Variants in FAM171A1 observed in about 807,000 individuals in gnomAD.
The protein encoded by FAM171A1 is family with sequence similarity 171 member A1, also known as protein FAM171A1.
FAM171A1 carries 23 observed loss-of-function variants against 74.9 expected under a neutral mutation model. That is an observed-to-expected ratio of 0.31 (90% CI 0.22 to 0.44). The LOEUF (loss-of-function observed/expected upper bound fraction) is 0.44, where lower values mean the gene tolerates loss of function less well. Among genes scored for constraint, FAM171A1 ranks in the 20% least tolerant of loss-of-function variants. The pLI is 1.00. For missense variants in FAM171A1, 1,162 were observed against 1,159.2 expected (o/e 1.00, Z -0.03); for synonymous variants, 527 against 505.7 (o/e 1.04, Z -0.57).
At chr10:15,348,080 C>A (rs528952237) in intron 1 of FAM171A1, among the ~76,000 whole-genome samples, 2 of 152,054 alleles carry the variant, frequency 1.3e-5, no homozygotes, top group Non-Finnish European at 2.9e-5. Context: ...TGGGTTCAAG[C>A]GAGTCTCCTG....
chr10:15,258,364 C>A (rs781720019), intron 3 of FAM171A1, among the ~76,000 whole-genome samples: 1 of 152,128 alleles, frequency 6.6e-6, no homozygotes, highest in Non-Finnish European at 1.5e-5. Flanking sequence ...TTCTCTTCTG[C>A]CCCTAACCAC....
chr10:15,218,136 G>A (rs1251366597), intron 6 of FAM171A1, among the ~76,000 whole-genome samples: 1 of 152,086 alleles, frequency 6.6e-6, no homozygotes, highest in African/African-American at 2.4e-5. Flanking sequence ...CTGGAGTGCA[G>A]TGGCACGATC....
intron 1 of FAM171A1, among the ~76,000 whole-genome samples, chr10:15,287,160 C>T (rs569005554): frequency 7.1e-4 from 100 of 141,312 alleles, no homozygotes; most frequent in Non-Finnish European, 1.1e-3. Flanking sequence ...GGTGCGATCT[C>T]GGCTCACCGT....
At chr10:15,299,583 G>T (rs1369070228) in intron 1 of FAM171A1, among the ~76,000 whole-genome samples, 3 of 151,966 alleles carry the variant, frequency 2.0e-5, no homozygotes, top group Admixed American at 1.3e-4. Flanking sequence ...CGATGATGAT[G>T]ATGACTTTTA....
chr10:15,235,052 G>A (rs1588503818), intron 5 of FAM171A1, among the ~76,000 whole-genome samples: 1 of 152,122 alleles, frequency 6.6e-6, no homozygotes, highest in Non-Finnish European at 1.5e-5. Flanking sequence ...TCTCACGCCT[G>A]TAATCTCTGC....
chr10:15,268,973 C>T lies in FAM171A1; in HGVS notation c.418+6882G>A, dbSNP rs566096665. ...ATGAAAATCACTTGGACCTGGGAGG[C>T]GGATATTGCAGTGAGCCAAGATCAC... On this transcript the variant is annotated intron_variant, in intron 3 of 7. Transcript: ENST00000378116. Among the ~76,000 whole-genome samples, 29 of 152,230 alleles carry T rather than the reference C, an allele frequency of 1.9e-4. 1 individual carries two copies. Among genetic ancestry groups the T allele is most frequent in the African/African-American group, 6.3e-4 (26 of 41,546 alleles).
At chr10:15,219,526 G>A (rs894194317) in intron 6 of FAM171A1, among the ~76,000 whole-genome samples, 9 of 152,264 alleles carry the variant, frequency 5.9e-5, no homozygotes, top group East Asian at 5.8e-4. Flanking sequence ...GCATTTCTAC[G>A]TGTGGTTCAT....
intron 6 of FAM171A1, 90 bp downstream of exon 6, chr10:15,220,854 C>T: frequency 1.1e-6 from 1 of 911,534 alleles, no homozygotes; most frequent in Non-Finnish European, 1.7e-6. Context: ...GATCGCCCTG[C>T]TGAAGTTATT....
At chr10:15,319,735 T>C (rs1313845171) in intron 1 of FAM171A1, among the ~76,000 whole-genome samples, 3 of 152,062 alleles carry the variant, frequency 2.0e-5, no homozygotes, top group Non-Finnish European at 4.4e-5. Flanking sequence ...GCCTGGTCTG[T>C]CCAGGGATTT....
intron 5 of FAM171A1, among the ~76,000 whole-genome samples, chr10:15,232,990 T>C (rs983512783): frequency 2.0e-5 from 3 of 152,334 alleles, no homozygotes; most frequent in Non-Finnish European, 2.9e-5. Context: ...TAAGAATGAA[T>C]AGATAAAAAC....
chr10:15,233,122 G>A (rs1313450953), intron 5 of FAM171A1, among the ~76,000 whole-genome samples: 1 of 151,858 alleles, frequency 6.6e-6, no homozygotes, highest in African/African-American at 2.4e-5. Flanking sequence ...GTGAAACCCC[G>A]TTTCTACTAA....
At chr10:15,280,736 A>C (rs1434201390) in intron 2 of FAM171A1, among the ~76,000 whole-genome samples, 2 of 152,236 alleles carry the variant, frequency 1.3e-5, no homozygotes, top group African/African-American at 4.8e-5. Context: ...CAAATTTTCA[A>C]CATATTTTAG....
At chr10:15,357,594 G>T (rs1406563213) in intron 1 of FAM171A1, among the ~76,000 whole-genome samples, 1 of 152,126 alleles carries the variant, frequency 6.6e-6, no homozygotes. Flanking sequence ...GAATTTCCTG[G>T]TATGTAAATT....
chr10:15,300,832 C>A (rs1028287020), intron 1 of FAM171A1, among the ~76,000 whole-genome samples: 3 of 152,162 alleles, frequency 2.0e-5, no homozygotes, highest in African/African-American at 7.2e-5. Flanking sequence ...CACACTGCAG[C>A]TGTGCACAGT....
rs111565550 is a variant in FAM171A1 at position 15,219,443 on chromosome 10, G to A, written c.871+1501C>T. Among the ~76,000 whole-genome samples, 443 of 152,294 alleles carry A rather than the reference G, an allele frequency of 2.9e-3. 2 individuals carry two copies. The highest frequency in any genetic ancestry group is 9.8e-3 in the African/African-American group (408 of 41,564). On this transcript the variant is annotated intron_variant, in intron 6 of 7. Transcript: ENST00000378116. ...TGGGCTTTATGGCATTTATTTTAGT[G>A]CTTAAGACAATTCTTTTCCTTCCTT...
At chr10:15,254,562 C>T (rs1419146941) in intron 4 of FAM171A1, among the ~76,000 whole-genome samples, 159 bp downstream of exon 4, 1 of 152,202 alleles carries the variant, frequency 6.6e-6, no homozygotes, top group Non-Finnish European at 1.5e-5. Context: ...ACCGACGTAA[C>T]ACAGTTTCAA....
At chr10:15,294,263 A>G (rs752182864) in intron 1 of FAM171A1, among the ~76,000 whole-genome samples, 13 of 152,062 alleles carry the variant, frequency 8.5e-5, no homozygotes, top group Admixed American at 5.9e-4. Context: ...GCATGATTCT[A>G]TCTAGCTGGG....
chr10:15,320,181 T>C (rs886624306), intron 1 of FAM171A1, among the ~76,000 whole-genome samples: 1 of 152,208 alleles, frequency 6.6e-6, no homozygotes, highest in Non-Finnish European at 1.5e-5. Flanking sequence ...TGTCCATGTA[T>C]ACTCAGTGTT....
intron 1 of FAM171A1, among the ~76,000 whole-genome samples, chr10:15,295,180 C>T (rs1835146380): frequency 6.6e-6 from 1 of 152,160 alleles, no homozygotes; most frequent in Non-Finnish European, 1.5e-5. Flanking sequence ...TCAGGTGATC[C>T]ACCTGCCTCG....
Sources: gnomAD v4.1 joint callset for allele counts (sites outside exome capture counted in the v4.1 genomes callset) on GRCh38, gnomAD v4.1.1 for gene constraint, MANE v1.5 for transcripts, NCBI Gene and HGNC (gene_info 2026-07-23, HGNC 2026-07-21) for gene names.